Variants in SMC3 observed in about 807,000 individuals in gnomAD.
SMC3 encodes the protein structural maintenance of chromosomes protein 3.
SMC3 carries 20 observed loss-of-function variants against 171.8 expected under a neutral mutation model. The observed-to-expected ratio is 0.12, with a 90% CI of 0.08 to 0.17. The LOEUF is 0.17. Among genes scored for constraint, SMC3 ranks in the 10% least tolerant of loss-of-function variants. The pLI is 1.00. For synonymous variants in SMC3, 464 were observed against 451.1 expected (o/e 1.03, Z -0.36); for missense variants, 543 against 1,420.4 (o/e 0.38, Z 9.93).
intron 16 of SMC3, 124 bp downstream of exon 16, chr10:110,590,696 C>T (rs1289506704): frequency 1.2e-6 from 1 of 835,158 alleles, no homozygotes; most frequent in African/African-American, 1.7e-5. Context: ...CCTTAACTTT[C>T]TAATTAAAGA....
chr10:110,590,902 GA>G, intron 16 of SMC3, 88 bp from the exon 17 acceptor site: 1 of 1,170,066 alleles, frequency 8.5e-7, no homozygotes, highest in Non-Finnish European at 1.3e-6. Context: ...AGCTATGCAG[GA>G]GGCTGAGGTG....
intron 18 of SMC3, among the ~76,000 whole-genome samples, chr10:110,595,940 A>T (rs1346089355): frequency 1.6e-3 from 17 of 10,340 alleles, no homozygotes; most frequent in Non-Finnish European, 2.7e-3. Flanking sequence ...TTTTTTTTTT[A>T]AAGACTGCAA....
At chr10:110,598,409 ACTT>A (rs1437437136) in intron 20 of SMC3, 119 bp downstream of exon 20, 5 of 1,134,276 alleles carry the variant, frequency 4.4e-6, no homozygotes, top group Non-Finnish European at 6.4e-6. Flanking sequence ...TTGGACCCAT[ACTT>A]TTTTTTTTTG....
At chr10:110,591,183 AT>A in intron 17 of SMC3, 51 bp downstream of exon 17, 1 of 1,549,018 alleles carries the variant, frequency 6.5e-7, no homozygotes, top group East Asian at 2.3e-5. Flanking sequence ...GTTATTTTTT[AT>A]CACATAATCT....
chr10:110,574,083 A>G (rs1325872159), intron 3 of SMC3, among the ~76,000 whole-genome samples: 1 of 152,222 alleles, frequency 6.6e-6, no homozygotes, highest in Non-Finnish European at 1.5e-5. Flanking sequence ...TTAAACTTGA[A>G]TGTAATATAT....
intron 13 of SMC3, among the ~76,000 whole-genome samples, chr10:110,587,999 C>G (rs1424584788): frequency 6.6e-6 from 1 of 152,016 alleles, no homozygotes; most frequent in African/African-American, 2.4e-5. Flanking sequence ...TCTGATTATC[C>G]AAGATTTTTT....
At chr10:110,585,294 TTTTTTTTTTTTTTTAATACGAG>T (rs1474972506) in intron 13 of SMC3, among the ~76,000 whole-genome samples, 2 of 150,506 alleles carry the variant, frequency 1.3e-5, no homozygotes, top group Non-Finnish European at 3.0e-5. Context: ...GTAACAATTT[TTTTTTTTTTTTTTTAATACGAG>T]TCTCACTGTG....
chr10:110,589,843 A>G (rs770175319), intron 14 of SMC3, 49 bp from the exon 15 acceptor site: 4 of 1,556,430 alleles, frequency 2.6e-6, no homozygotes, highest in Non-Finnish European at 3.5e-6. Flanking sequence ...CTGTTAATGC[A>G]TCCTCATATG....
rs766647166 is a variant in SMC3, at chr10:110,584,413, C to T, written c.1305+17C>T. 1 of 1,557,268 alleles carries T rather than the reference C, an allele frequency of 6.4e-7. No homozygotes were observed. Among genetic ancestry groups the T allele is most frequent in the African/African-American group, 1.4e-5 (1 of 73,508 alleles). ...CAGTATAATGTAAGAACTTCTATAG[C>T]TGCTTTGTAAAAATCTTTCAGAAGA... On this transcript the variant is annotated intron_variant, in intron 13 of 28. Transcript: ENST00000361804.
At position 110,591,039 on chromosome 10, in the gene SMC3, A is replaced by G; in HGVS notation, c.1719A>G (p.Leu573=). The change falls in exon 17 of 29, where the codon TTA becomes TTG. Residue 573 remains leucine (L), a synonymous_variant. Coordinates refer to ENST00000361804, the MANE Select transcript of SMC3 (RefSeq NM_005445.4). ...VDSDEVSTKI[L]MEFNKMNLPG... ...CAGATGAAGTCAGCACGAAGATTTT[A>G]ATGGAGTTTAATAAAATGAATCTTC... 1 of 1,612,800 alleles carries G rather than the reference A, an allele frequency of 6.2e-7. No individual in the cohort carries two copies. The highest frequency in any genetic ancestry group is 8.5e-7 in the Non-Finnish European group (1 of 1,178,866).
chr10:110,584,483 TA>T, intron 13 of SMC3, 87 bp downstream of exon 13: 1 of 897,662 alleles, frequency 1.1e-6, no homozygotes, highest in Non-Finnish European at 1.8e-6. Context: ...TCTTTTTAAA[TA>T]AGTCTACATG....
intron 18 of SMC3, among the ~76,000 whole-genome samples, chr10:110,594,809 T>G (rs1031060239): frequency 6.6e-5 from 10 of 152,168 alleles, no homozygotes; most frequent in Non-Finnish European, 1.2e-4. Context: ...TCTCTAAAAT[T>G]TAAGCATGCA....
At chr10:110,579,852 A>G (rs1274652842) in intron 7 of SMC3, among the ~76,000 whole-genome samples, 1 of 152,182 alleles carries the variant, frequency 6.6e-6, no homozygotes, top group Non-Finnish European at 1.5e-5. Context: ...GATAATTTCA[A>G]TTTTTTAATG....
intron 21 of SMC3, among the ~76,000 whole-genome samples, chr10:110,600,148 A>AT (rs1464770932): frequency 6.6e-6 from 1 of 152,170 alleles, no homozygotes. Context: ...ATTTTAATTG[A>AT]TTTTTAAAAC....
In SMC3 at chr10:110,600,383, C is replaced by T. The variant is rs985449750; in HGVS notation, c.2428-56C>T. The T allele has an allele frequency of 5.5e-5, 47 of 859,408 alleles. No homozygotes were observed. In the African/African-American group the frequency reaches 6.0e-4, roughly 11 times the overall value. The allele number at this position is 859,408 out of a possible 1,614,324, so 53.2% of individuals were successfully genotyped here. On this transcript the variant is annotated intron_variant, in intron 21 of 28. Coordinates refer to ENST00000361804, the MANE Select transcript of SMC3 (RefSeq NM_005445.4). ...TACTAGAGAGGACAGCAAATGAGCA[C>T]CATTCCTGTGTGTGAAATGTACATG... is the stretch of plus-strand genomic sequence containing the variant.
rs1861380096 is a variant in SMC3 at position 110,601,140 on chromosome 10, T to TA, written c.2644+11dup. 6.3e-7 allele frequency: 1 copy of TA among 1,599,424 alleles called. No homozygotes were observed. Among genetic ancestry groups the TA allele is most frequent in the Non-Finnish European group, 8.6e-7 (1 of 1,166,916 alleles). On this transcript the variant is annotated intron_variant, in intron 23 of 28. Coordinates refer to ENST00000361804, the MANE Select transcript of SMC3 (RefSeq NM_005445.4). Reference sequence around the variant, plus strand: ...ATGGCACGATCAGAAGGTGAATTTTTATGTAGTAAAATTTTGTTTATATGC... The same window carrying TA: ...ATGGCACGATCAGAAGGTGAATTTTTAATGTAGTAAAATTTTGTTTATATGC...
chr10:110,604,106 A>AC, intron 28 of SMC3, 125 bp from the exon 29 acceptor site: 1 of 517,174 alleles, frequency 1.9e-6, no homozygotes, highest in Non-Finnish European at 3.5e-6. Context: ...AAAAAAAAAA[A>AC]AAAAAAAAAA....
At chr10:110,582,783 C>T (rs1437130395) in intron 10 of SMC3, 141 bp downstream of exon 10, 23 of 693,458 alleles carry the variant, frequency 3.3e-5, no homozygotes, top group East Asian at 5.5e-5. Flanking sequence ...ATCCTCTTGC[C>T]GCAGCTTCCT....
At chr10:110,592,429 G>A (rs1861222451) in intron 17 of SMC3, among the ~76,000 whole-genome samples, 1 of 152,022 alleles carries the variant, frequency 6.6e-6, no homozygotes, top group South Asian at 2.1e-4. Flanking sequence ...GTTTCTTGTG[G>A]TTATGTTGGT....
Sources: gnomAD v4.1 joint callset for allele counts (sites outside exome capture counted in the v4.1 genomes callset) on GRCh38, gnomAD v4.1.1 for gene constraint, MANE v1.5 for transcripts, NCBI Gene and HGNC (gene_info 2026-07-23, HGNC 2026-07-21) for gene names.